Variants in GALNTL6 observed in about 807,000 individuals in gnomAD.
GALNTL6 encodes the protein polypeptide N-acetylgalactosaminyltransferase-like 6.
Under a neutral mutation model 73.7 loss-of-function variants are expected in GALNTL6, and 46 were observed. That is an observed-to-expected ratio of 0.62 (90% confidence interval 0.49 to 0.80). The LOEUF (loss-of-function observed/expected upper bound fraction) is 0.80, where lower values mean the gene tolerates loss of function less well. Among genes scored for constraint, GALNTL6 ranks in the 30% least tolerant of loss-of-function variants. The pLI is 0.00. For missense variants in GALNTL6, 604 were observed against 755.0 expected (o/e 0.80, Z 2.34); for synonymous variants, 259 against 263.7 (o/e 0.98, Z 0.17).
intron 2 of GALNTL6, among the ~76,000 whole-genome samples, chr4:171,931,986 G>C (rs530960239): frequency 6.6e-6 from 1 of 152,298 alleles, no homozygotes; most frequent in South Asian, 2.1e-4. Context: ...TTAATGGAAA[G>C]TAATAACTGA....
intron 5 of GALNTL6, among the ~76,000 whole-genome samples, chr4:172,620,061 C>T (rs1441965323): frequency 6.6e-6 from 1 of 152,102 alleles, no homozygotes; most frequent in Non-Finnish European, 1.5e-5. Flanking sequence ...TTTCCAACAG[C>T]ACTGTCACAG....
intron 10 of GALNTL6, among the ~76,000 whole-genome samples, chr4:172,972,931 A>T (rs1364213760): frequency 6.6e-6 from 1 of 152,234 alleles, no homozygotes; most frequent in African/African-American, 2.4e-5. Flanking sequence ...CACCAATGGC[A>T]GTTGCTTGGG....
Position 173,021,422 on chromosome 4 carries a change from T to A in GALNTL6, c.1489-54T>A, listed in dbSNP as rs1349456489. ...AGACATACCTTCCCCCGCCCTTGCA[T>A]CTTCTCTCCAAAACAAACTCACTGC... On this transcript the variant is annotated intron_variant, in intron 11 of 12. Transcript: ENST00000506823. The A allele has an allele frequency of 1.9e-6, 3 of 1,591,532 alleles. No homozygotes were observed. The South Asian group carries it at 3.4e-5, about 18-fold the overall frequency.
intron 5 of GALNTL6, among the ~76,000 whole-genome samples, chr4:172,470,391 G>A (rs900122489): frequency 2.0e-5 from 3 of 152,152 alleles, no homozygotes; most frequent in Admixed American, 2.0e-4. Flanking sequence ...TGCAGAAAGA[G>A]TAATCTTGCT....
intron 5 of GALNTL6, among the ~76,000 whole-genome samples, chr4:172,457,840 G>A (rs1459645578): frequency 1.3e-5 from 2 of 152,012 alleles, no homozygotes; most frequent in African/African-American, 2.4e-5. Flanking sequence ...GGACTTGAAC[G>A]CAGCTCTGGA....
At chr4:172,715,034 G>T in intron 5 of GALNTL6, among the ~76,000 whole-genome samples, 1 of 151,740 alleles carries the variant, frequency 6.6e-6, no homozygotes. Flanking sequence ...CTGTATAAAA[G>T]GTCAACAAAA....
At chr4:172,214,519 C>CTTTT (rs34845361) in intron 2 of GALNTL6, among the ~76,000 whole-genome samples, 2 of 142,586 alleles carry the variant, frequency 1.4e-5, no homozygotes, top group Admixed American at 7.0e-5. Flanking sequence ...ATTTCTTTTC[C>CTTTT]TTTTTTTTTT....
chr4:171,871,424 A>G (rs996619771), intron 2 of GALNTL6, among the ~76,000 whole-genome samples: 6 of 152,164 alleles, frequency 3.9e-5, no homozygotes, highest in African/African-American at 1.4e-4. Flanking sequence ...GAAGCTGTGG[A>G]TAAGGGGGGA....
In GALNTL6 at chr4:172,855,339, G is replaced by T. The variant is rs530064014; in HGVS notation, c.924-27451G>T. Among the ~76,000 whole-genome samples the T allele has an allele frequency of 1.6e-4, 24 of 152,118 alleles. No individual in the cohort carries two copies. In the South Asian group the frequency reaches 1.9e-3, roughly 12 times the overall value. Reference sequence around the variant, plus strand: ...ATTTTTAGTATTTTGTATTTATTTTGATTGTAATGGAAAGATATATATACT... The same window carrying T: ...ATTTTTAGTATTTTGTATTTATTTTTATTGTAATGGAAAGATATATATACT... On this transcript the variant is annotated intron_variant, in intron 7 of 12. Coordinates refer to ENST00000506823, the MANE Select transcript of GALNTL6 (RefSeq NM_001034845.3).
At chr4:172,435,520 G>A (rs1455435983) in intron 5 of GALNTL6, among the ~76,000 whole-genome samples, 1 of 151,950 alleles carries the variant, frequency 6.6e-6, no homozygotes, top group Non-Finnish European at 1.5e-5. Context: ...CAAACAGTAG[G>A]GATTTAAAGC....
chr4:172,131,080 T>A (rs1733478329), intron 2 of GALNTL6, among the ~76,000 whole-genome samples: 2 of 152,002 alleles, frequency 1.3e-5, no homozygotes, highest in African/African-American at 4.8e-5. Context: ...TCTATTACAC[T>A]AGAAAAACAA....
rs766319546 is a variant in GALNTL6, at chr4:172,824,473, T to C, written c.923+10750T>C. Among the ~76,000 whole-genome samples the C allele has an allele frequency of 7.7e-4, 117 of 151,992 alleles. 1 individual carries two copies. The highest frequency in any genetic ancestry group is 1.4e-3 in the Non-Finnish European group (96 of 67,968). On this transcript the variant is annotated intron_variant, in intron 7 of 12. Coordinates refer to ENST00000506823, the MANE Select transcript of GALNTL6 (RefSeq NM_001034845.3). ...TTGGGATCAGGTTATTTATATATAT[T>C]TATATTATTTATATGTGTATGTGAG...
intron 7 of GALNTL6, among the ~76,000 whole-genome samples, chr4:172,860,403 T>C (rs1744335787): frequency 1.3e-5 from 2 of 152,200 alleles, no homozygotes; most frequent in South Asian, 4.1e-4. Flanking sequence ...TCCAAATACA[T>C]TAAGACCAAA....
chr4:172,232,669 A>G (rs1410669096), intron 3 of GALNTL6, among the ~76,000 whole-genome samples: 4 of 152,190 alleles, frequency 2.6e-5, no homozygotes, highest in African/African-American at 2.4e-5. Context: ...TCACTGCTGT[A>G]CATCCTTGTG....
chr4:172,359,141 T>C (rs973378821), intron 5 of GALNTL6, among the ~76,000 whole-genome samples: 2 of 152,148 alleles, frequency 1.3e-5, no homozygotes, highest in African/African-American at 4.8e-5. Flanking sequence ...TAAATGTCCA[T>C]CAATGGCAGA....
chr4:172,969,164 G>A (rs1750460231), intron 10 of GALNTL6, among the ~76,000 whole-genome samples: 1 of 152,042 alleles, frequency 6.6e-6, no homozygotes, highest in African/African-American at 2.4e-5. Flanking sequence ...AGAAAACTCA[G>A]GGATGAACTA....
At chr4:171,850,741 C>T (rs941928605) in intron 2 of GALNTL6, among the ~76,000 whole-genome samples, 3 of 152,076 alleles carry the variant, frequency 2.0e-5, no homozygotes, top group Admixed American at 6.5e-5. Context: ...TATAATGAGG[C>T]GTGTCTGACT....
intron 4 of GALNTL6, among the ~76,000 whole-genome samples, chr4:172,315,295 C>T (rs1197588526): frequency 6.6e-6 from 1 of 152,130 alleles, no homozygotes. Flanking sequence ...TGGAGTTTCA[C>T]TCTTGTTGCC....
chr4:172,383,505 C>G (rs1743360816), intron 5 of GALNTL6, among the ~76,000 whole-genome samples: 1 of 152,100 alleles, frequency 6.6e-6, no homozygotes, highest in Non-Finnish European at 1.5e-5. Context: ...GTGTGAAATT[C>G]TCAGGATTCT....
Sources: gnomAD v4.1 joint callset for allele counts (sites outside exome capture counted in the v4.1 genomes callset) on GRCh38, gnomAD v4.1.1 for gene constraint, MANE v1.5 for transcripts, NCBI Gene and HGNC (gene_info 2026-07-23, HGNC 2026-07-21) for gene names.